CYYR1: variants seen among roughly 807,000 people sequenced by gnomAD.
CYYR1 encodes cysteine and tyrosine rich 1.
A neutral mutation model predicts 15.2 loss-of-function variants in CYYR1; 14 were observed. The ratio of observed to expected loss-of-function variants is 0.92; its 90% CI spans 0.61 to 1.44. The LOEUF is 1.44. CYYR1 is among the 40% of genes most tolerant of loss of function. The pLI, the probability that CYYR1 is intolerant of heterozygous loss-of-function variation, is 0.00. For synonymous variants in CYYR1, 80 were observed against 77.4 expected, an observed-to-expected ratio of 1.03 and a Z score of -0.18; for missense variants, 228 against 209.5, an observed-to-expected ratio of 1.09 and a Z score of -0.54.
intron 2 of CYYR1, chr21:26,564,804 C>A (rs925571771): frequency 8.0e-7 from 1 of 1,248,664 alleles, no homozygotes; most frequent in East Asian, 5.7e-5. Flanking sequence ...TATACTCGCA[C>A]CTCTACCTGG....
intron 2 of CYYR1, among the ~76,000 whole-genome samples, chr21:26,497,404 A>G (rs1458251570): frequency 6.6e-6 from 1 of 152,240 alleles, no homozygotes; most frequent in Non-Finnish European, 1.5e-5. Context: ...ATTTCATTCT[A>G]TAAGAAAGAC....
intron 2 of CYYR1, among the ~76,000 whole-genome samples, chr21:26,516,010 G>A (rs896730238): frequency 2.0e-5 from 3 of 152,150 alleles, no homozygotes; most frequent in Non-Finnish European, 2.9e-5. Flanking sequence ...AGAAGTTGGC[G>A]TATTTAAGGT....
chr21:26,545,495 A>G (rs1978897341), intron 2 of CYYR1, among the ~76,000 whole-genome samples: 1 of 151,194 alleles, frequency 6.6e-6, no homozygotes, highest in African/African-American at 2.4e-5. Context: ...TGGCAAGGTT[A>G]ATGAGTGATA....
chr21:26,531,112 G>A (rs1416632093), intron 2 of CYYR1, among the ~76,000 whole-genome samples: 2 of 152,106 alleles, frequency 1.3e-5, no homozygotes, highest in African/African-American at 4.8e-5. Context: ...CATCCTCCTT[G>A]TTTTCAAGGA....
chr21:26,496,143 A>T (rs1440853279), intron 2 of CYYR1, among the ~76,000 whole-genome samples: 1 of 152,212 alleles, frequency 6.6e-6, no homozygotes, highest in African/African-American at 2.4e-5. Context: ...TGGAGATGAG[A>T]TCAAGATATT....
At chr21:26,525,843 A>T (rs73898238) in intron 2 of CYYR1, among the ~76,000 whole-genome samples, 7,729 of 152,234 alleles carry the variant, frequency 0.051, 230 homozygotes, top group African/African-American at 0.06. Flanking sequence ...TTGCTGAAAG[A>T]TAGTTACAGG....
chr21:26,520,113 G>GATAGATATATATATAT (rs1323824516), intron 2 of CYYR1, among the ~76,000 whole-genome samples: 4 of 120,700 alleles, frequency 3.3e-5, no homozygotes, highest in African/African-American at 1.4e-4. Context: ...AAACCCAGGA[G>GATAGATATATATATAT]ATATATATAT....
intron 2 of CYYR1, among the ~76,000 whole-genome samples, chr21:26,514,026 C>T (rs559454184): frequency 7.3e-5 from 11 of 151,022 alleles, no homozygotes; most frequent in Admixed American, 7.3e-4. Flanking sequence ...AACAAACCTG[C>T]ACGTTGTGCA....
chr21:26,541,137 T>A (rs2123646696), intron 2 of CYYR1, among the ~76,000 whole-genome samples: 1 of 152,294 alleles, frequency 6.6e-6, no homozygotes, highest in South Asian at 2.1e-4. Flanking sequence ...TCTCAGTGAT[T>A]GTGGGACTAT....
chr21:26,563,526 T>C (rs1212584022), intron 2 of CYYR1, among the ~76,000 whole-genome samples: 3 of 152,076 alleles, frequency 2.0e-5, no homozygotes, highest in Non-Finnish European at 2.9e-5. Context: ...GAGCTGAGAT[T>C]GTGCCACAGC....
intron 3 of CYYR1, among the ~76,000 whole-genome samples, chr21:26,479,458 G>A (rs987912455): frequency 3.3e-5 from 5 of 152,086 alleles, no homozygotes; most frequent in African/African-American, 9.7e-5. Flanking sequence ...CTAAGAGTGT[G>A]TTAAATTTAG....
At chr21:26,498,703 TTTAA>T (rs1036275893) in intron 2 of CYYR1, among the ~76,000 whole-genome samples, 1 of 151,912 alleles carries the variant, frequency 6.6e-6, no homozygotes, top group Non-Finnish European at 1.5e-5. Flanking sequence ...AGCAAAGGGG[TTTAA>T]TTGACTCACA....
chr21:26,506,899 G>C (rs1569152680), intron 2 of CYYR1, among the ~76,000 whole-genome samples: 1 of 152,074 alleles, frequency 6.6e-6, no homozygotes, highest in East Asian at 1.9e-4. Context: ...GGTTTAAAAA[G>C]CTGATCACAG....
At position 26,539,408 on chromosome 21, in the gene CYYR1, T is replaced by C. The variant is rs529841461; in HGVS notation, c.176+26858A>G. On this transcript the variant is annotated intron_variant, in intron 2 of 3. Transcript: ENST00000652641. ...CACACTCCAACCAAAAATGTATTTATTTGCTGTCTTCCAAATTCAAATACT... is the reference window on the plus strand; with the variant it reads ...CACACTCCAACCAAAAATGTATTTACTTGCTGTCTTCCAAATTCAAATACT... Among the ~76,000 whole-genome samples the C allele has an allele frequency of 3.3e-5, 5 of 152,326 alleles. No individual in the cohort carries two copies. The South Asian group carries it at 1.0e-3, about 32-fold the overall frequency.
chr21:26,529,497 C>T (rs1322759107), intron 2 of CYYR1, among the ~76,000 whole-genome samples: 4 of 152,202 alleles, frequency 2.6e-5, no homozygotes, highest in Admixed American at 2.6e-4. Flanking sequence ...AATGATAACT[C>T]TTAGCTTTGC....
At chr21:26,554,037 G>A (rs940624632) in intron 2 of CYYR1, among the ~76,000 whole-genome samples, 1 of 152,140 alleles carries the variant, frequency 6.6e-6, no homozygotes, top group Admixed American at 6.6e-5. Context: ...CAATATCATC[G>A]GAGGCAAGTT....
chr21:26,554,211 G>A (rs536674387), intron 2 of CYYR1, among the ~76,000 whole-genome samples: 28 of 152,218 alleles, frequency 1.8e-4, no homozygotes, highest in African/African-American at 4.8e-4. Context: ...CAAAAGAGCC[G>A]GCAGTTAGAA....
At chr21:26,478,818 T>C (rs1238005540) in intron 3 of CYYR1, among the ~76,000 whole-genome samples, 1 of 152,038 alleles carries the variant, frequency 6.6e-6, no homozygotes, top group Non-Finnish European at 1.5e-5. Context: ...GTAGTCAAAA[T>C]ACTGTATATA....
At chr21:26,527,906 CAAAG>C (rs2065886516) in intron 2 of CYYR1, among the ~76,000 whole-genome samples, 1 of 151,894 alleles carries the variant, frequency 6.6e-6, no homozygotes, top group African/African-American at 2.4e-5. Flanking sequence ...TTAAAAATGA[CAAAG>C]GAATGAACTG....
Sources: gnomAD v4.1 joint callset for allele counts (sites outside exome capture counted in the v4.1 genomes callset) on GRCh38, gnomAD v4.1.1 for gene constraint, MANE v1.5 for transcripts, NCBI Gene and HGNC (gene_info 2026-07-23, HGNC 2026-07-21) for gene names.